The following AGTPBP1 variants were observed in gnomAD, a reference collection of about 807,000 sequenced individuals.
AGTPBP1 encodes cytosolic carboxypeptidase 1.
AGTPBP1 carries 70 observed loss-of-function variants against 143.9 expected under a neutral mutation model. The ratio of observed to expected loss-of-function variants is 0.49; its 90% CI spans 0.40 to 0.59. The LOEUF (loss-of-function observed/expected upper bound fraction) is 0.59, where lower values mean the gene tolerates loss of function less well. AGTPBP1 is among the 20% of genes least tolerant of loss of function. The pLI is 0.00. For missense variants in AGTPBP1, 1,229 were observed against 1,464.5 expected (o/e 0.84, Z 2.62); for synonymous variants, 463 against 500.2 (o/e 0.93, Z 0.99).
At chr9:85,774,963 G>A in the AGTPBP1 span, among the ~76,000 whole-genome samples, 1 of 152,070 alleles carries the variant, frequency 6.6e-6, no homozygotes, top group Non-Finnish European at 1.5e-5. Flanking sequence ...TTTTTTAAGT[G>A]ACTGGGATTA....
the AGTPBP1 span, among the ~76,000 whole-genome samples, chr9:85,783,290 C>T: frequency 1.3e-5 from 2 of 152,108 alleles, no homozygotes; most frequent in Admixed American, 1.3e-4. Flanking sequence ...TACCTAGAAA[C>T]ATTTAAAATA....
At chr9:85,705,657 C>T (rs1460458740) in intron 2 of AGTPBP1, among the ~76,000 whole-genome samples, 2 of 152,106 alleles carry the variant, frequency 1.3e-5, no homozygotes, top group Non-Finnish European at 2.9e-5. Flanking sequence ...GTATGACAAA[C>T]AGCACAAAGG....
intron 25 of AGTPBP1, among the ~76,000 whole-genome samples, chr9:85,551,419 A>C (rs908914006): frequency 1.3e-5 from 2 of 152,118 alleles, no homozygotes; most frequent in African/African-American, 4.8e-5. Context: ...TGCACATTCT[A>C]TCTGATCACT....
chr9:85,609,935 GAGA>G (rs1830215915), intron 17 of AGTPBP1, among the ~76,000 whole-genome samples: 1 of 152,110 alleles, frequency 6.6e-6, no homozygotes, highest in African/African-American at 2.4e-5. Context: ...TAATTACAAA[GAGA>G]AGAAGGAAAT....
intron 8 of AGTPBP1, among the ~76,000 whole-genome samples, 187 bp from the exon 9 acceptor site, chr9:85,661,160 T>C (rs1283099737): frequency 2.0e-5 from 3 of 151,910 alleles, no homozygotes; most frequent in Non-Finnish European, 4.4e-5. Context: ...AAATTGGATA[T>C]GAAAAAGATT....
chr9:85,681,385 T>C (rs1183412163), intron 3 of AGTPBP1, 50 bp from the exon 4 acceptor site: 5 of 1,514,538 alleles, frequency 3.3e-6, no homozygotes, highest in East Asian at 2.3e-5. Context: ...TTTAAAAGTA[T>C]GTATAGTTTT....
the AGTPBP1 span, among the ~76,000 whole-genome samples, chr9:85,755,243 A>G: frequency 6.6e-6 from 1 of 152,154 alleles, no homozygotes; most frequent in Non-Finnish European, 1.5e-5. Context: ...CTAGGAAATA[A>G]TACTATATGG....
At chr9:85,624,101 A>C (rs550919746) in intron 14 of AGTPBP1, among the ~76,000 whole-genome samples, 1 of 152,226 alleles carries the variant, frequency 6.6e-6, no homozygotes, top group African/African-American at 2.4e-5. Context: ...GGGCAACACT[A>C]TAAGAAATCA....
the AGTPBP1 span, among the ~76,000 whole-genome samples, chr9:85,757,005 G>T: frequency 6.7e-6 from 1 of 149,694 alleles, no homozygotes; most frequent in African/African-American, 2.4e-5. Context: ...TCTTTTTTTT[G>T]GGGGGGTGAA....
rs11141055 is a variant in AGTPBP1 at position 85,650,507 on chromosome 9, G to A, written c.1088-4089C>T. On this transcript the variant is annotated intron_variant, in intron 11 of 25. Coordinates refer to ENST00000357081, the MANE Select transcript of AGTPBP1 (RefSeq NM_001330701.2). ...GCTTACTTTGTTGTACAGAATACAC[G>A]TAACATAAAAAATATGTATTAACTG... Among the ~76,000 whole-genome samples the A allele has an allele frequency of 4.7e-3, 722 of 152,200 alleles. 3 individuals carry two copies. The highest frequency in any genetic ancestry group is 8.3e-3 in the Non-Finnish European group (563 of 67,992).
At chr9:85,742,498 G>T (rs539959695), upstream of AGTPBP1, among the ~76,000 whole-genome samples, 18 of 152,230 alleles carry the variant, frequency 1.2e-4, no homozygotes, top group Admixed American at 9.8e-4. Flanking sequence ...ATAATAAGAG[G>T]CTGGAAGGGA....
intron 2 of AGTPBP1, among the ~76,000 whole-genome samples, chr9:85,709,616 G>A (rs1413508844): frequency 1.3e-5 from 2 of 152,202 alleles, no homozygotes; most frequent in East Asian, 1.9e-4. Flanking sequence ...CTGTTGTATA[G>A]AAGAGGAGGA....
chr9:85,779,806 G>A, the AGTPBP1 span, among the ~76,000 whole-genome samples: 1 of 152,112 alleles, frequency 6.6e-6, no homozygotes, highest in South Asian at 2.1e-4. Context: ...GCTGTAATGA[G>A]CCATGATTGC....
chr9:85,750,994 G>A, the AGTPBP1 span, among the ~76,000 whole-genome samples: 2 of 152,188 alleles, frequency 1.3e-5, 1 homozygote, highest in Non-Finnish European at 2.9e-5. Context: ...TCCAACTGGG[G>A]TCTCTTTCCT....
At chr9:85,728,944 CT>C (rs1201143517) in intron 1 of AGTPBP1, among the ~76,000 whole-genome samples, 3 of 152,104 alleles carry the variant, frequency 2.0e-5, no homozygotes, top group African/African-American at 7.2e-5. Context: ...ATTGCCATCA[CT>C]TTTAATGTTA....
rs1830309117 is a variant in AGTPBP1 at position 85,611,359 on chromosome 9, T to C, written c.2335+7624A>G. On this transcript the variant is annotated intron_variant, in intron 17 of 25. Transcript: ENST00000357081. Reference sequence around the variant, plus strand: ...TCAAACAACAAAATCCAACCTCTTATTTATGAAAAAAAAAGCAAACATACA... The same window carrying C: ...TCAAACAACAAAATCCAACCTCTTACTTATGAAAAAAAAAGCAAACATACA... Among the ~76,000 whole-genome samples the C allele has an allele frequency of 2.0e-5, 3 of 151,722 alleles. No homozygotes were observed. The South Asian group carries it at 6.2e-4, about 32-fold the overall frequency.
chr9:85,653,592 G>A (rs959252313), intron 11 of AGTPBP1, among the ~76,000 whole-genome samples: 1 of 152,130 alleles, frequency 6.6e-6, no homozygotes, highest in Admixed American at 6.5e-5. Flanking sequence ...CCACCAGTGA[G>A]AACCACCATT....
intron 15 of AGTPBP1, among the ~76,000 whole-genome samples, 178 bp downstream of exon 15, chr9:85,621,024 T>C (rs1229453714): frequency 1.3e-5 from 2 of 152,168 alleles, no homozygotes; most frequent in Non-Finnish European, 2.9e-5. Context: ...CCATTACCAT[T>C]ACATCCCAAA....
intron 15 of AGTPBP1, among the ~76,000 whole-genome samples, chr9:85,620,547 T>C (rs62566935): frequency 6.6e-6 from 1 of 152,232 alleles, no homozygotes; most frequent in African/African-American, 2.4e-5. Context: ...ATTTCTCATA[T>C]GAGAAGGCAG....
Sources: allele counts gnomAD v4.1 joint callset (sites outside exome capture counted in the v4.1 genomes callset), GRCh38; gene constraint gnomAD v4.1.1; transcripts MANE v1.5; gene names NCBI Gene and HGNC (gene_info 2026-07-23, HGNC 2026-07-21).